The following KNTC1 variants were observed in gnomAD, a reference collection of about 807,000 sequenced individuals.
KNTC1 encodes kinetochore associated 1.
In KNTC1, 253 loss-of-function variants were observed where a neutral mutation model predicts 314.4. That is an observed-to-expected ratio of 0.80 (90% CI 0.73 to 0.89). The LOEUF is 0.89. Ranked by LOEUF, KNTC1 falls within the 40% of genes least tolerant of loss-of-function variation. KNTC1 has a pLI of 0.00. For missense variants in KNTC1, 2,475 were observed against 2,572.9 expected, an observed-to-expected ratio of 0.96 and a Z score of 0.82; for synonymous variants, 901 against 901.4, an observed-to-expected ratio of 1.00 and a Z score of 0.01.
chr12:122,553,813 G>A (rs1963363131), intron 16 of KNTC1, among the ~76,000 whole-genome samples: 1 of 152,038 alleles, frequency 6.6e-6, no homozygotes, highest in Non-Finnish European at 1.5e-5. Flanking sequence ...GAAGCAGTAA[G>A]TTTTAAATGT....
chr12:122,563,863 A>G, intron 20 of KNTC1: 2 of 1,359,366 alleles, frequency 1.5e-6, no homozygotes, highest in South Asian at 4.5e-5. Context: ...CTCTATAAAC[A>G]GGGTTTGAAA....
rs541185318 is a variant in KNTC1 at position 122,625,427 on chromosome 12, CATG to C, written c.6606+740_6606+742del. Among the ~76,000 whole-genome samples, 852 of 151,644 alleles carry C rather than the reference CATG, an allele frequency of 5.6e-3. 11 individuals are homozygous for C. The highest frequency in any genetic ancestry group is 0.02 in the African/African-American group (826 of 41,334). On this transcript the variant is annotated intron_variant, in intron 63 of 63. Transcript: ENST00000333479. ...CCAAAAAAAAAATATATTAGCCTGG[CATG>C]GTGGTGGGAGCCTGTAATCCCAGCT...
chr12:122,537,961 C>T (rs535137472), intron 3 of KNTC1, among the ~76,000 whole-genome samples: 301 of 147,460 alleles, frequency 2.0e-3, no homozygotes, highest in Non-Finnish European at 3.0e-3. Flanking sequence ...GGCAAAACCT[C>T]GTCTGTACAA....
At position 122,624,681 on chromosome 12, in the gene KNTC1, T is replaced by G. The variant is rs140880563; in HGVS notation, c.6599T>G (p.Ile2200Ser). ...PVPPDTAPCE[I>S]LKMFLSGLS ...CCTCCAGACACTGCTCCCTGTGAAA[T>G]TCTGAAGGTAAAGCTGATGGAAAGT... The change falls in exon 63 of 64, where the codon ATT (isoleucine) becomes AGT (serine). Residue 2200 changes from isoleucine to serine, a missense_variant. Coordinates refer to ENST00000333479, the MANE Select transcript of KNTC1 (RefSeq NM_014708.6). 45 of 1,612,062 alleles carry G rather than the reference T, an allele frequency of 2.8e-5. No homozygotes were observed. The East Asian group carries it at 9.6e-4, about 34-fold the overall frequency.
At chr12:122,609,067 AAAAT>A (rs1872835519) in intron 51 of KNTC1, 2 of 263,370 alleles carry the variant, frequency 7.6e-6, no homozygotes, top group South Asian at 5.1e-5. Flanking sequence ...TCCAAAAATA[AAAAT>A]AAATAAAAAT....
At chr12:122,595,178 G>T (rs1206445304) in intron 43 of KNTC1, among the ~76,000 whole-genome samples, 4 of 152,208 alleles carry the variant, frequency 2.6e-5, no homozygotes, top group Admixed American at 1.3e-4. Context: ...GCCTGAACAA[G>T]AATTTTTAGA....
intron 62 of KNTC1, among the ~76,000 whole-genome samples, chr12:122,623,991 C>G (rs891600616): frequency 3.8e-4 from 58 of 152,110 alleles, no homozygotes; most frequent in African/African-American, 1.4e-3. Flanking sequence ...TCGCTTGAAC[C>G]CAGGAGGTGG....
intron 43 of KNTC1, 114 bp from the exon 44 acceptor site, chr12:122,597,617 A>T (rs1871237126): frequency 6.0e-6 from 5 of 833,016 alleles, no homozygotes; most frequent in Non-Finnish European, 9.9e-6. Context: ...GAGACTGGAC[A>T]ATGACAAGGT....
chr12:122,534,860 C>T, intron 3 of KNTC1, 76 bp downstream of exon 3: 1 of 1,309,058 alleles, frequency 7.6e-7, no homozygotes, highest in Non-Finnish European at 1.1e-6. Flanking sequence ...GCTGGATTGC[C>T]TCCTCTTTAC....
At chr12:122,614,330 A>G (rs1873523035) in intron 55 of KNTC1, among the ~76,000 whole-genome samples, 1 of 152,196 alleles carries the variant, frequency 6.6e-6, no homozygotes, top group African/African-American at 2.4e-5. Context: ...TTATCTGGAC[A>G]GGGAGAGGAG....
chr12:122,611,739 C>G (rs999360856), intron 53 of KNTC1: 1 of 152,192 alleles, frequency 6.6e-6, no homozygotes, highest in African/African-American at 2.4e-5. Flanking sequence ...TGAGGACGCT[C>G]AAGTCTTTCA....
At chr12:122,559,957 A>G (rs569714163) in intron 18 of KNTC1, among the ~76,000 whole-genome samples, 2 of 152,220 alleles carry the variant, frequency 1.3e-5, no homozygotes, top group East Asian at 3.9e-4. Context: ...AACTCTTTTC[A>G]TCGTTGTGAA....
intron 40 of KNTC1, among the ~76,000 whole-genome samples, chr12:122,589,898 C>A (rs1869940158): frequency 6.6e-6 from 1 of 150,452 alleles, no homozygotes; most frequent in African/African-American, 2.5e-5. Context: ...ATTCTCCTGC[C>A]TCAGCCTCCT....
chr12:122,575,297 G>A (rs1008072087), intron 27 of KNTC1, among the ~76,000 whole-genome samples: 4 of 152,226 alleles, frequency 2.6e-5, no homozygotes, highest in East Asian at 3.9e-4. Context: ...TGTAGAGACC[G>A]TAGAAAGCAA....
chr12:122,534,175 T>A (rs1390735079), intron 2 of KNTC1, among the ~76,000 whole-genome samples: 1 of 152,202 alleles, frequency 6.6e-6, no homozygotes, highest in Non-Finnish European at 1.5e-5. Context: ...AGATCCAGCT[T>A]CTGTTGATGA....
At chr12:122,556,392 A>G (rs1963594546) in intron 16 of KNTC1, among the ~76,000 whole-genome samples, 1 of 151,868 alleles carries the variant, frequency 6.6e-6, no homozygotes, top group Non-Finnish European at 1.5e-5. Flanking sequence ...TCCTCCTTCT[A>G]ACTGAAGCTT....
chr12:122,548,402 G>C (rs1299598376), intron 12 of KNTC1, among the ~76,000 whole-genome samples: 1 of 151,886 alleles, frequency 6.6e-6, no homozygotes, highest in Non-Finnish European at 1.5e-5. Flanking sequence ...TAGAGATGGG[G>C]TTTCACCATT....
Position 122,597,948 on chromosome 12 carries a change from C to T in KNTC1, c.4563+10C>T, listed in dbSNP as rs371752012. Reference sequence around the variant, plus strand: ...TGGAATACTACATAAGGTAGACACACAGTGAAATGAATCGGGTCATCTCAG... The same window carrying T: ...TGGAATACTACATAAGGTAGACACATAGTGAAATGAATCGGGTCATCTCAG... On this transcript the variant is annotated intron_variant, in intron 44 of 63. Coordinates refer to ENST00000333479, the MANE Select transcript of KNTC1 (RefSeq NM_014708.6). 6.2e-7 allele frequency: 1 copy of T among 1,608,408 alleles called. No homozygotes were observed. The highest frequency in any genetic ancestry group is 8.5e-7 in the Non-Finnish European group (1 of 1,174,894).
chr12:122,529,057 T>A (rs570490542), intron 1 of KNTC1, among the ~76,000 whole-genome samples: 5 of 152,296 alleles, frequency 3.3e-5, no homozygotes, highest in Admixed American at 6.5e-5. Context: ...TTGGCCAGGC[T>A]GGTCTCAAAC....
Sources: gnomAD v4.1 joint callset for allele counts (sites outside exome capture counted in the v4.1 genomes callset) on GRCh38, gnomAD v4.1.1 for gene constraint, MANE v1.5 for transcripts, NCBI Gene and HGNC (gene_info 2026-07-23, HGNC 2026-07-21) for gene names.